Variants in DPP10 observed in about 807,000 individuals in gnomAD.
DPP10 encodes dipeptidyl peptidase like 10.
In DPP10, 33 loss-of-function variants were observed where a neutral mutation model predicts 120.9. The ratio of observed to expected loss-of-function variants is 0.27; its 90% CI spans 0.21 to 0.37. The LOEUF is 0.37. Ranked by LOEUF, DPP10 falls within the 10% of genes least tolerant of loss-of-function variation. DPP10 has a pLI of 1.00. For missense variants in DPP10, 816 were observed against 942.8 expected (o/e 0.87, Z 1.76); for synonymous variants, 337 against 326.1 (o/e 1.03, Z -0.36).
chr2:114,853,767 C>A (rs1465878486), intron 1 of DPP10, among the ~76,000 whole-genome samples: 1 of 152,076 alleles, frequency 6.6e-6, no homozygotes, highest in East Asian at 1.9e-4. Context: ...TCATGAAGAC[C>A]CCTAATGGAG....
intron 1 of DPP10, among the ~76,000 whole-genome samples, chr2:114,867,179 T>C (rs1469432190): frequency 1.3e-5 from 2 of 152,182 alleles, no homozygotes; most frequent in Admixed American, 6.6e-5. Flanking sequence ...ATAAGGAGAC[T>C]CTTTGGGAAG....
intron 1 of DPP10, among the ~76,000 whole-genome samples, chr2:114,718,587 C>T (rs1401977952): frequency 6.6e-6 from 1 of 152,032 alleles, no homozygotes; most frequent in African/African-American, 2.4e-5. Context: ...TCACAGGTAA[C>T]TTGGTAAGAG....
chr2:115,279,545 G>A lies in DPP10; in HGVS notation c.61-29694G>A, dbSNP rs373665241. ...ATTTTCTCAATTAAAAAAAATCACC[G>A]TGTTGATTTGCGTTTGATAGAATCT... On this transcript the variant is annotated intron_variant, in intron 1 of 25. Transcript: ENST00000410059. Among the ~76,000 whole-genome samples the A allele has an allele frequency of 2.4e-4, 36 of 150,914 alleles. No individual in the cohort carries two copies. In the East Asian group the frequency reaches 2.9e-3, roughly 12 times the overall value.
At chr2:114,833,106 T>G (rs1484052884) in intron 1 of DPP10, among the ~76,000 whole-genome samples, 1 of 152,118 alleles carries the variant, frequency 6.6e-6, no homozygotes. Context: ...ATTCTACTCA[T>G]TTAACTGTAT....
At chr2:115,445,055 T>C (rs1054832521) in intron 3 of DPP10, among the ~76,000 whole-genome samples, 3 of 152,146 alleles carry the variant, frequency 2.0e-5, no homozygotes, top group Non-Finnish European at 4.4e-5. Context: ...TGAGATCTGA[T>C]GGTTTTATAA....
At chr2:115,506,380 T>A (rs577152152) in intron 4 of DPP10, among the ~76,000 whole-genome samples, 2 of 152,216 alleles carry the variant, frequency 1.3e-5, no homozygotes, top group East Asian at 3.9e-4. Flanking sequence ...CTACTTCAGT[T>A]GAAATTTAAA....
chr2:115,277,807 T>C (rs548071587), intron 1 of DPP10, among the ~76,000 whole-genome samples: 3 of 152,176 alleles, frequency 2.0e-5, no homozygotes, highest in Non-Finnish European at 4.4e-5. Flanking sequence ...ATAATGTTTG[T>C]GATCATTTTG....
intron 3 of DPP10, among the ~76,000 whole-genome samples, chr2:115,389,278 AACAC>A (rs3980953): frequency 1.2e-4 from 18 of 149,742 alleles, no homozygotes; most frequent in African/African-American, 2.9e-4. Flanking sequence ...CACACACACA[AACAC>A]ACACACACAC....
intron 3 of DPP10, among the ~76,000 whole-genome samples, chr2:115,497,726 A>G (rs2076476757): frequency 6.6e-6 from 1 of 152,086 alleles, no homozygotes. Flanking sequence ...TGTTGATTTG[A>G]GCAAGCATTA....
chr2:115,139,427 C>G (rs1005515287), intron 1 of DPP10, among the ~76,000 whole-genome samples: 1 of 151,932 alleles, frequency 6.6e-6, no homozygotes, highest in Non-Finnish European at 1.5e-5. Context: ...CCCACCCCTA[C>G]CACACACACA....
intron 9 of DPP10, among the ~76,000 whole-genome samples, chr2:115,741,426 CT>C (rs1223700791): frequency 2.7e-3 from 381 of 141,854 alleles, no homozygotes; most frequent in Non-Finnish European, 3.0e-3. Flanking sequence ...ATAGATTTAG[CT>C]TTTTTTTTTT....
intron 1 of DPP10, among the ~76,000 whole-genome samples, chr2:115,127,899 C>G (rs1264474283): frequency 6.6e-6 from 1 of 152,130 alleles, no homozygotes; most frequent in Non-Finnish European, 1.5e-5. Flanking sequence ...ACTCATTATA[C>G]CTAGTTCATG....
At chr2:115,560,241 G>A (rs1246117561) in intron 5 of DPP10, among the ~76,000 whole-genome samples, 1 of 145,308 alleles carries the variant, frequency 6.9e-6, no homozygotes, top group Non-Finnish European at 1.5e-5. Flanking sequence ...TGTGGTGGCT[G>A]GTGCCTGTAG....
In DPP10 at chr2:115,599,564, C is replaced by G. The variant is rs578131369; in HGVS notation, c.441+73592C>G. ...TCTTTGCTAAGATTTTATACTCTAC[C>G]TTGAAGAACAAAGTTATAAGAGGTG... On this transcript the variant is annotated intron_variant, in intron 5 of 25. Transcript: ENST00000410059. Among the ~76,000 whole-genome samples, 3 of 152,064 alleles carry G rather than the reference C, an allele frequency of 2.0e-5. No homozygotes were observed. In the South Asian group the frequency reaches 6.2e-4, roughly 32 times the overall value.
chr2:115,720,453 T>G (rs1338022460), intron 7 of DPP10, among the ~76,000 whole-genome samples: 1 of 152,128 alleles, frequency 6.6e-6, no homozygotes, highest in Non-Finnish European at 1.5e-5. Flanking sequence ...AAAATATGTC[T>G]TAAATATTTC....
At chr2:115,816,176 G>C (rs1365856384) in intron 21 of DPP10, among the ~76,000 whole-genome samples, 5 of 152,012 alleles carry the variant, frequency 3.3e-5, no homozygotes, top group Admixed American at 1.3e-4. Flanking sequence ...GTTCCAGAGA[G>C]GGGAAACAGT....
intron 3 of DPP10, among the ~76,000 whole-genome samples, chr2:115,482,076 G>T (rs1047459429): frequency 6.6e-6 from 1 of 151,892 alleles, no homozygotes; most frequent in Non-Finnish European, 1.5e-5. Flanking sequence ...AGTAGTTTCG[G>T]TTTTACAGCC....
intron 8 of DPP10, among the ~76,000 whole-genome samples, chr2:115,739,139 C>A (rs1676950946): frequency 6.6e-6 from 1 of 152,116 alleles, no homozygotes; most frequent in South Asian, 2.1e-4. Flanking sequence ...AATAACCTGA[C>A]TTTACTCTCC....
intron 1 of DPP10, among the ~76,000 whole-genome samples, chr2:114,485,804 G>T (rs1293953351): frequency 6.6e-6 from 1 of 152,060 alleles, no homozygotes; most frequent in Non-Finnish European, 1.5e-5. Flanking sequence ...CCTGACCAAA[G>T]AGCTGATCAT....
Sources: gnomAD v4.1 joint callset for allele counts (sites outside exome capture counted in the v4.1 genomes callset) on GRCh38, gnomAD v4.1.1 for gene constraint, MANE v1.5 for transcripts, NCBI Gene and HGNC (gene_info 2026-07-23, HGNC 2026-07-21) for gene names.